The following KDM2B variants were observed in gnomAD, a reference collection of about 807,000 sequenced individuals.
KDM2B encodes lysine demethylase 2B.
Under a neutral mutation model 150.0 loss-of-function variants are expected in KDM2B, and 26 were observed. That is an observed-to-expected ratio of 0.17 (90% CI 0.13 to 0.24). The LOEUF is 0.24. Ranked by LOEUF, KDM2B falls within the 10% of genes least tolerant of loss-of-function variation. KDM2B has a pLI of 1.00. For missense variants in KDM2B, 1,265 were observed against 1,816.9 expected (o/e 0.70, Z 5.52); for synonymous variants, 734 against 729.5 (o/e 1.01, Z -0.10).
At chr12:121,511,281 AT>A (rs35590443) in intron 10 of KDM2B, among the ~76,000 whole-genome samples, 4,505 of 110,440 alleles carry the variant, frequency 0.041, 111 homozygotes, top group East Asian at 0.18. Context: ...AATGCTAGGA[AT>A]TTTTTTTTTT....
At chr12:121,495,650 T>A (rs1883857924) in intron 11 of KDM2B, among the ~76,000 whole-genome samples, 1 of 152,100 alleles carries the variant, frequency 6.6e-6, no homozygotes, top group Non-Finnish European at 1.5e-5. Context: ...CTACGGATCC[T>A]CTAATGTTCA....
At chr12:121,469,762 C>T (rs1393075945) in intron 12 of KDM2B, 1 of 152,000 alleles carries the variant, frequency 6.6e-6, no homozygotes, top group Non-Finnish European at 1.5e-5. Context: ...TTGGTCAAGC[C>T]TACAGGGGTA....
chr12:121,443,247 T>C, intron 17 of KDM2B: 1 of 601,576 alleles, frequency 1.7e-6, no homozygotes, highest in South Asian at 2.0e-5. Context: ...GTTGAACTGT[T>C]CCCACCCAAC....
intron 22 of KDM2B, among the ~76,000 whole-genome samples, chr12:121,438,380 C>T (rs552985542): frequency 2.2e-4 from 33 of 152,096 alleles, no homozygotes; most frequent in Non-Finnish European, 4.0e-4. Flanking sequence ...TGGCCCACAC[C>T]GCAGGGGAGG....
chr12:121,579,491 C>T, intron 1 of KDM2B: 1 of 847,526 alleles, frequency 1.2e-6, no homozygotes, highest in Non-Finnish European at 1.7e-6. Context: ...GAGACCCCAG[C>T]CGCCCCCGCC....
At chr12:121,451,378 TCAACAATAGGG>T (rs1555291621) in intron 13 of KDM2B, among the ~76,000 whole-genome samples, 1 of 152,184 alleles carries the variant, frequency 6.6e-6, no homozygotes. Flanking sequence ...AGGCTTCTGG[TCAACAATAGGG>T]CTAACAGTAG....
At chr12:121,532,047 G>C (rs1555307896) in intron 8 of KDM2B, among the ~76,000 whole-genome samples, 1 of 151,942 alleles carries the variant, frequency 6.6e-6, no homozygotes, top group East Asian at 1.9e-4. Context: ...CTTGAACCTG[G>C]GAGGTGAAGG....
chr12:121,535,972 T>C, intron 6 of KDM2B: 1 of 853,826 alleles, frequency 1.2e-6, no homozygotes, highest in Non-Finnish European at 1.4e-6. Flanking sequence ...CTCACGCCCA[T>C]GCACCTTGGC....
At chr12:121,559,558 G>A (rs1555313477) in intron 4 of KDM2B, among the ~76,000 whole-genome samples, 1 of 152,130 alleles carries the variant, frequency 6.6e-6, no homozygotes, top group Non-Finnish European at 1.5e-5. Context: ...AGGGGACCAG[G>A]GAGGCAGGAG....
chr12:121,420,884 G>A, the KDM2B span: 2 of 834,172 alleles, frequency 2.4e-6, no homozygotes, highest in Non-Finnish European at 3.9e-6. Context: ...AGAAAGCTGT[G>A]TACCATTTTA....
At chr12:121,541,433 A>AGGAGGGAG (rs1176429637) in intron 6 of KDM2B, among the ~76,000 whole-genome samples, 1 of 125,486 alleles carries the variant, frequency 8.0e-6, no homozygotes, top group Non-Finnish European at 1.7e-5. Flanking sequence ...GACGGAGGGA[A>AGGAGGGAG]GGAGGGAGGG....
At chr12:121,457,630 G>C (rs1555293046) in intron 12 of KDM2B, among the ~76,000 whole-genome samples, 2 of 150,360 alleles carry the variant, frequency 1.3e-5, no homozygotes, top group African/African-American at 5.0e-5. Context: ...GGCATCCCCA[G>C]ACATTCATTT....
intron 1 of KDM2B, chr12:121,579,752 C>G: frequency 1.4e-6 from 2 of 1,440,450 alleles, no homozygotes; most frequent in Non-Finnish European, 1.9e-6. Flanking sequence ...CCGGGCGAAC[C>G]CCGAGCCCGC....
intron 12 of KDM2B, among the ~76,000 whole-genome samples, chr12:121,461,738 AACCAGAGCTAAGGTAC>A (rs1277930024): frequency 6.6e-6 from 1 of 152,178 alleles, no homozygotes; most frequent in Non-Finnish European, 1.5e-5. Flanking sequence ...AAGCAGGTGG[AACCAGAGCTAAGGTAC>A]ACACCTGGGA....
At chr12:121,490,372 T>C (rs1252666316) in intron 12 of KDM2B, among the ~76,000 whole-genome samples, 1 of 152,136 alleles carries the variant, frequency 6.6e-6, no homozygotes, top group Non-Finnish European at 1.5e-5. Flanking sequence ...ATAATTGAAA[T>C]TCAAGTGGCA....
At chr12:121,434,481 A>G (rs1474483584) in intron 22 of KDM2B, among the ~76,000 whole-genome samples, 1 of 146,090 alleles carries the variant, frequency 6.8e-6, no homozygotes. Context: ...AGGCTGGGCA[A>G]CAGAGCGAGA....
chr12:121,481,945 A>AT (rs1235610065), intron 12 of KDM2B, among the ~76,000 whole-genome samples: 1 of 151,986 alleles, frequency 6.6e-6, no homozygotes, highest in East Asian at 1.9e-4. Context: ...CATCCAGCTA[A>AT]TTTTTTAGTA....
At chr12:121,545,620 C>G (rs1555310570) in intron 6 of KDM2B, among the ~76,000 whole-genome samples, 2 of 152,122 alleles carry the variant, frequency 1.3e-5, no homozygotes, top group African/African-American at 4.8e-5. Flanking sequence ...ACCCTCAGCC[C>G]CTCCGCTCTC....
At chr12:121,456,193 G>C (rs1264201036) in intron 12 of KDM2B, among the ~76,000 whole-genome samples, 2 of 152,238 alleles carry the variant, frequency 1.3e-5, no homozygotes, top group Non-Finnish European at 1.5e-5. Context: ...CACAGCAAAT[G>C]CATGTGCGAA....
Sources: gnomAD v4.1 joint callset for allele counts (sites outside exome capture counted in the v4.1 genomes callset) on GRCh38, gnomAD v4.1.1 for gene constraint, MANE v1.5 for transcripts, NCBI Gene and HGNC (gene_info 2026-07-23, HGNC 2026-07-21) for gene names.